PHACTR4: variants seen among roughly 807,000 people sequenced by gnomAD.
The protein encoded by PHACTR4 is phosphatase and actin regulator 4.
Under a neutral mutation model 72.7 loss-of-function variants are expected in PHACTR4, and 51 were observed. The observed-to-expected ratio is 0.70, with a 90% CI of 0.56 to 0.89. The LOEUF is 0.89. Ranked by LOEUF, PHACTR4 falls within the 40% of genes least tolerant of loss-of-function variation. The pLI, the probability that PHACTR4 is intolerant of heterozygous loss-of-function variation, is 0.00. For synonymous variants in PHACTR4, 255 were observed against 302.5 expected, an observed-to-expected ratio of 0.84 and a Z score of 1.63; for missense variants, 731 against 861.8, an observed-to-expected ratio of 0.85 and a Z score of 1.90.
intron 2 of PHACTR4, among the ~76,000 whole-genome samples, chr1:28,444,857 G>A (rs1248638397): frequency 6.7e-6 from 1 of 148,560 alleles, no homozygotes; most frequent in East Asian, 2.0e-4. Flanking sequence ...TCGATCTCCT[G>A]ACCTCGTGAT....
At chr1:28,436,115 T>C (rs2124393451) in intron 2 of PHACTR4, among the ~76,000 whole-genome samples, 1 of 152,242 alleles carries the variant, frequency 6.6e-6, no homozygotes, top group East Asian at 1.9e-4. Context: ...AAGCAGATAA[T>C]GGGGCTAAGA....
intron 2 of PHACTR4, among the ~76,000 whole-genome samples, chr1:28,415,139 T>C (rs1289287283): frequency 6.6e-6 from 1 of 151,738 alleles, no homozygotes; most frequent in East Asian, 1.9e-4. Context: ...CGTGCTACTG[T>C]AGTCCCAGCT....
Position 28,490,354 on chromosome 1 carries a change from A to AC in PHACTR4, c.1817-593dup, listed in dbSNP as rs374242724. On this transcript the variant is annotated intron_variant, in intron 10 of 13. Transcript: ENST00000373839. ...AGACCATCCTGGCTAACATGGTGAA[A>AC]CCCCGTCTCTACTAAAAATACAAAA... Among the ~76,000 whole-genome samples, 590 of 151,732 alleles carry AC rather than the reference A, an allele frequency of 3.9e-3. 3 individuals are homozygous for AC. Among genetic ancestry groups the AC allele is most frequent in the African/African-American group, 0.013 (543 of 41,378 alleles).
At chr1:28,422,413 G>A (rs1655565242) in intron 2 of PHACTR4, 1 of 152,280 alleles carries the variant, frequency 6.6e-6, no homozygotes, top group Middle Eastern at 3.4e-3. Context: ...GATGTGTATA[G>A]GTTATATGTA....
At chr1:28,450,288 CTT>C (rs774519813) in intron 2 of PHACTR4, among the ~76,000 whole-genome samples, 19 of 139,842 alleles carry the variant, frequency 1.4e-4, no homozygotes, top group Admixed American at 1.4e-4. Flanking sequence ...GGAAAACTAC[CTT>C]TTTTTTTTTT....
intron 1 of PHACTR4, among the ~76,000 whole-genome samples, chr1:28,376,089 C>A (rs1041578806): frequency 4.2e-5 from 6 of 141,292 alleles, no homozygotes; most frequent in East Asian, 2.0e-4. Flanking sequence ...AACAAACAAA[C>A]AAAAAAAACT....
intron 1 of PHACTR4, among the ~76,000 whole-genome samples, chr1:28,400,652 T>C (rs1653875908): frequency 6.6e-6 from 1 of 151,934 alleles, no homozygotes; most frequent in South Asian, 2.1e-4. Flanking sequence ...CAATCTCAGC[T>C]TAGTGCAACC....
At chr1:28,448,287 G>A (rs991925069) in intron 2 of PHACTR4, among the ~76,000 whole-genome samples, 3 of 151,926 alleles carry the variant, frequency 2.0e-5, no homozygotes, top group Admixed American at 1.3e-4. Context: ...AGGTCGAAGC[G>A]GATAGATCAC....
In PHACTR4 at chr1:28,465,714, G is replaced by A; in HGVS notation, c.301G>A (p.Ala101Thr). ...GGEDPGKPSD[A>T]MLKNGHTTPI... Reference sequence around the variant, plus strand: ...TGAGGATCCAGGAAAGCCAAGCGATGCCATGTTAAAGAATGGCCATACCAC... The same window carrying A: ...TGAGGATCCAGGAAAGCCAAGCGATACCATGTTAAAGAATGGCCATACCAC... Residue 101 changes from alanine to threonine, a missense_variant, in exon 5 of 14, where the codon GCC becomes ACC. By Grantham distance (58) the Ala-to-Thr change is moderately conservative. Coordinates refer to ENST00000373839, the MANE Select transcript of PHACTR4 (RefSeq NM_001048183.3). 6.2e-7 allele frequency: 1 copy of A among 1,613,878 alleles called. No homozygotes were observed. Among genetic ancestry groups the A allele is most frequent in the Non-Finnish European group, 8.5e-7 (1 of 1,179,936 alleles).
chr1:28,436,328 T>A (rs536109514), intron 2 of PHACTR4, among the ~76,000 whole-genome samples: 4 of 152,120 alleles, frequency 2.6e-5, no homozygotes, highest in African/African-American at 9.6e-5. Context: ...ACTCAAACTC[T>A]TGGTGTCAAG....
At chr1:28,410,255 C>T (rs547575934) in intron 2 of PHACTR4, among the ~76,000 whole-genome samples, 28 of 152,092 alleles carry the variant, frequency 1.8e-4, no homozygotes, top group African/African-American at 6.5e-4. Flanking sequence ...CGTGAGCCAC[C>T]GTGCCCAGCC....
At position 28,499,983 on chromosome 1, in the gene PHACTR4, T is replaced by A. The variant is rs1289685059; in HGVS notation, c.*3434T>A. 1 of 152,200 alleles carries A rather than the reference T, an allele frequency of 6.6e-6. No homozygotes were observed. Among genetic ancestry groups the A allele is most frequent in the Non-Finnish European group, 1.5e-5 (1 of 68,032 alleles). The allele number at this position is 152,200 out of a possible 1,614,324, so 9.4% of individuals were successfully genotyped here. A position where few individuals can be genotyped will look rare whatever the true frequency, so the allele number is the denominator to read the frequency against. ...CGAACCCTTCTTTCACTACCTTTCT[T>A]ACCCTTAATGTGCCAAGCTTGAAAC... On this transcript the variant is annotated 3_prime_UTR_variant, in exon 14 of 14. Transcript: ENST00000373839.
intron 2 of PHACTR4, among the ~76,000 whole-genome samples, chr1:28,431,472 C>G (rs1003000009): frequency 6.6e-6 from 1 of 150,800 alleles, no homozygotes; most frequent in Non-Finnish European, 1.5e-5. Context: ...GGATTACAGG[C>G]GTGAGCCACC....
chr1:28,484,746 T>G (rs1660524097), intron 9 of PHACTR4, among the ~76,000 whole-genome samples: 1 of 151,662 alleles, frequency 6.6e-6, no homozygotes, highest in African/African-American at 2.4e-5. Flanking sequence ...GGCGGGTGGA[T>G]CACGAGGTCA....
intron 2 of PHACTR4, among the ~76,000 whole-genome samples, chr1:28,411,247 A>G (rs1187964213): frequency 1.3e-5 from 2 of 151,874 alleles, no homozygotes; most frequent in Admixed American, 1.3e-4. Context: ...GGATTTCGCC[A>G]TATTGGCCAG....
intron 9 of PHACTR4, 95 bp from the exon 10 acceptor site, chr1:28,489,075 A>T: frequency 1.2e-6 from 1 of 803,320 alleles, no homozygotes. Context: ...TTTCTTACTT[A>T]TATAGGGGCT....
At chr1:28,380,345 C>T (rs1199154434) in intron 1 of PHACTR4, among the ~76,000 whole-genome samples, 2 of 152,050 alleles carry the variant, frequency 1.3e-5, no homozygotes, top group African/African-American at 4.8e-5. Flanking sequence ...CGTGAGCCAC[C>T]GCGCCCGGCC....
At chr1:28,450,255 C>A (rs1336323528) in intron 2 of PHACTR4, among the ~76,000 whole-genome samples, 59 of 151,842 alleles carry the variant, frequency 3.9e-4, no homozygotes, top group Admixed American at 3.9e-3. Context: ...CAGCATCCTA[C>A]ACCCTGATTT....
chr1:28,491,156 C>A, intron 11 of PHACTR4, 144 bp downstream of exon 11: 1 of 743,860 alleles, frequency 1.3e-6, no homozygotes, highest in Non-Finnish European at 2.2e-6. Context: ...ATTGCTTGAG[C>A]CCAGGAGTTC....
Sources: allele counts gnomAD v4.1 joint callset (sites outside exome capture counted in the v4.1 genomes callset), GRCh38; gene constraint gnomAD v4.1.1; transcripts MANE v1.5; gene names NCBI Gene and HGNC (gene_info 2026-07-23, HGNC 2026-07-21).